DERA: variants seen among roughly 807,000 people sequenced by gnomAD.
DERA encodes the protein 2-deoxy-D-ribose 5-phosphate aldolase.
In DERA, 15 loss-of-function variants were observed where a neutral mutation model predicts 41.1. The observed-to-expected ratio is 0.37, with a 90% CI of 0.24 to 0.56. The LOEUF (loss-of-function observed/expected upper bound fraction) is 0.56. Ranked by LOEUF, DERA falls within the 20% of genes least tolerant of loss-of-function variation. The pLI, the probability that DERA is intolerant of heterozygous loss-of-function variation, is 0.81. For synonymous variants in DERA, 139 were observed against 137.4 expected, an observed-to-expected ratio of 1.01 and a Z score of -0.08; for missense variants, 396 against 403.4, an observed-to-expected ratio of 0.98 and a Z score of 0.16.
At chr12:15,917,040 G>A (rs1948205729) in intron 1 of DERA, among the ~76,000 whole-genome samples, 1 of 152,118 alleles carries the variant, frequency 6.6e-6, no homozygotes, top group Non-Finnish European at 1.5e-5. Flanking sequence ...CTGAAAAATA[G>A]AACTGGAATC....
At chr12:15,930,571 C>T (rs1288459730) in intron 1 of DERA, among the ~76,000 whole-genome samples, 2 of 152,126 alleles carry the variant, frequency 1.3e-5, no homozygotes, top group Non-Finnish European at 2.9e-5. Context: ...TACACTATTA[C>T]TTAAGAACAG....
chr12:15,961,393 G>A (rs184453376), intron 4 of DERA, among the ~76,000 whole-genome samples: 4 of 152,144 alleles, frequency 2.6e-5, no homozygotes, highest in Middle Eastern at 3.2e-3. Flanking sequence ...AGGGAGTCTA[G>A]GCCAGGCATG....
rs1414188402 is a variant in DERA at position 15,993,546 on chromosome 12, A to G, written c.637+11110A>G. Among the ~76,000 whole-genome samples the G allele has an allele frequency of 2.0e-5, 3 of 151,954 alleles. No individual in the cohort carries two copies. The highest frequency in any genetic ancestry group is 7.3e-5 in the African/African-American group (3 of 41,378). On this transcript the variant is annotated intron_variant, in intron 6 of 8. Transcript: ENST00000428559. The surrounding 1 kb of genome is among the most constrained non-coding windows in gnomAD (Gnocchi z 4.4). ...TAGGAAAAAGCATTTAATTTATGAA[A>G]AGGTATGCTACAACTGAAACTTCAT...
intron 5 of DERA, among the ~76,000 whole-genome samples, chr12:15,977,617 G>C (rs772093995): frequency 3.9e-5 from 6 of 152,176 alleles, no homozygotes; most frequent in Non-Finnish European, 7.3e-5. Context: ...ACCATGCCTG[G>C]TTAATTTTTT....
In DERA at chr12:15,989,935, C is replaced by T. The variant is rs1037176310; in HGVS notation, c.637+7499C>T. On this transcript the variant is annotated intron_variant, in intron 6 of 8. Transcript: ENST00000428559. The surrounding 1 kb of genome is among the most constrained non-coding windows in gnomAD (Gnocchi z 5.2). ...TTTCAAAATGTTTTAGAGCAAGGAA[C>T]ACAGTCAGAAGACCAGAACTCTTGT... Among the ~76,000 whole-genome samples, 10 of 152,126 alleles carry T rather than the reference C, an allele frequency of 6.6e-5. No homozygotes were observed. Among genetic ancestry groups the T allele is most frequent in the Non-Finnish European group, 1.5e-4 (10 of 67,998 alleles).
At chr12:16,031,558 T>G (rs1473374234) in intron 6 of DERA, among the ~76,000 whole-genome samples, 2 of 152,206 alleles carry the variant, frequency 1.3e-5, no homozygotes, top group Non-Finnish European at 1.5e-5. Context: ...CCTCTGGTAG[T>G]GCCCGTGCTG....
In DERA at chr12:15,983,903, C is replaced by A. The variant is rs141412622; in HGVS notation, c.637+1467C>A. Among the ~76,000 whole-genome samples the A allele has an allele frequency of 7.9e-5, 12 of 152,268 alleles. No homozygotes were observed. Among genetic ancestry groups the A allele is most frequent in the South Asian group, 2.1e-4 (1 of 4,824 alleles). ...CCTAAGGATGAGAAGGGATGGAACA[C>A]TTTGAACAGTTGTTCATCAGTGATG... On this transcript the variant is annotated intron_variant, in intron 6 of 8. Transcript: ENST00000428559. This position sits in a 1 kb window ranked among gnomAD's most constrained non-coding sequence, Gnocchi z 6.2.
Position 15,943,717 on chromosome 12 carries a change from ATTT to A in DERA, c.32-13218_32-13216del, listed in dbSNP as rs1258840463. On this transcript the variant is annotated intron_variant, in intron 1 of 8. Coordinates refer to ENST00000428559, the MANE Select transcript of DERA (RefSeq NM_015954.4). The surrounding 1 kb of genome is among the most constrained non-coding windows in gnomAD (Gnocchi z 4.5). ...TTTATTTTTTAATTTTTATTTATTT[ATTT>A]ATTTATTTATTTATTTATTTTATTA... Among the ~76,000 whole-genome samples, 2 of 147,290 alleles carry A rather than the reference ATTT, an allele frequency of 1.4e-5. No individual in the cohort carries two copies. The highest frequency in any genetic ancestry group is 3.0e-5 in the Non-Finnish European group (2 of 66,936).
chr12:16,003,538 CTG>C lies in DERA; in HGVS notation c.637+21105_637+21106del, dbSNP rs143270905. Among the ~76,000 whole-genome samples the C allele has an allele frequency of 3.0e-3, 450 of 152,172 alleles. 7 individuals carry two copies. The East Asian group carries it at 0.049, about 17-fold the overall frequency. The stretch of plus-strand genomic sequence containing the variant: ...GTGTTCGTTTTAGGTAAGAGAGAAA[CTG>C]TGAGGGGTTAGGGTTTGGGTTAGAG... On this transcript the variant is annotated intron_variant, in intron 6 of 8. Transcript: ENST00000428559. This position sits in a 1 kb window ranked among gnomAD's most constrained non-coding sequence, Gnocchi z 4.8.
chr12:16,025,643 T>G (rs1368343143), intron 6 of DERA, among the ~76,000 whole-genome samples: 2 of 152,100 alleles, frequency 1.3e-5, no homozygotes, highest in African/African-American at 4.8e-5. Context: ...CACTGATGGC[T>G]GAAGCAGGCA....
rs748641861 is a variant in DERA at position 15,982,132 on chromosome 12, C to T, written c.509-176C>T. ...GTAGCAAACTAAGCATTCCTTGTAACAGGATGTGAACTGCAACAGAATGCT... is the reference window on the plus strand; with the variant it reads ...GTAGCAAACTAAGCATTCCTTGTAATAGGATGTGAACTGCAACAGAATGCT... On this transcript the variant is annotated intron_variant, in intron 5 of 8. Transcript: ENST00000428559. This position sits in a 1 kb window ranked among gnomAD's most constrained non-coding sequence, Gnocchi z 4.0. 6.6e-6 allele frequency among the ~76,000 whole-genome samples: 1 copy of T among 152,172 alleles called. No homozygotes were observed. The highest frequency in any genetic ancestry group is 1.5e-5 in the Non-Finnish European group (1 of 68,040).
At chr12:15,974,364 A>C (rs191329598) in intron 5 of DERA, among the ~76,000 whole-genome samples, 1 of 152,224 alleles carries the variant, frequency 6.6e-6, no homozygotes, top group Admixed American at 6.5e-5. Flanking sequence ...TAACCTAAGA[A>C]TACTAAGAAC....
intron 1 of DERA, among the ~76,000 whole-genome samples, chr12:15,932,509 GTGTGGTGGTGCATGCC>G (rs1789174841): frequency 6.6e-6 from 1 of 152,028 alleles, no homozygotes; most frequent in South Asian, 2.1e-4. Context: ...AATTAGCTGG[GTGTGGTGGTGCATGCC>G]TGTAGTCCCA....
chr12:16,001,243 T>C lies in DERA; in HGVS notation c.637+18807T>C, dbSNP rs1280184674. On this transcript the variant is annotated intron_variant, in intron 6 of 8. Transcript: ENST00000428559. The surrounding 1 kb of genome is among the most constrained non-coding windows in gnomAD (Gnocchi z 4.1). ...GTAACAAACCTGCACATTCTGCACA[T>C]GTTTATCCTATTTTTTTGTTTGTTT... Among the ~76,000 whole-genome samples the C allele has an allele frequency of 1.3e-5, 2 of 152,138 alleles. No individual in the cohort carries two copies. The highest frequency in any genetic ancestry group is 6.5e-5 in the Admixed American group (1 of 15,290).
chr12:16,003,993 G>A lies in DERA; in HGVS notation c.637+21557G>A, dbSNP rs1448321803. 6.6e-6 allele frequency among the ~76,000 whole-genome samples: 1 copy of A among 152,104 alleles called. No individual in the cohort carries two copies. The highest frequency in any genetic ancestry group is 1.5e-5 in the Non-Finnish European group (1 of 68,030). On this transcript the variant is annotated intron_variant, in intron 6 of 8. Coordinates refer to ENST00000428559, the MANE Select transcript of DERA (RefSeq NM_015954.4). The surrounding 1 kb of genome is among the most constrained non-coding windows in gnomAD (Gnocchi z 4.8). ...CAGAATGCTTAGAAGGGGTTGGTAGGGCTATTCATTAAGTGCAGTAAGAGT... is the reference window on the plus strand; with the variant it reads ...CAGAATGCTTAGAAGGGGTTGGTAGAGCTATTCATTAAGTGCAGTAAGAGT...
At position 15,972,551 on chromosome 12, in the gene DERA, A is replaced by T. The variant is rs753761668; in HGVS notation, c.508+9604A>T. On this transcript the variant is annotated intron_variant, in intron 5 of 8. Transcript: ENST00000428559. This position sits in a 1 kb window ranked among gnomAD's most constrained non-coding sequence, Gnocchi z 4.4. ...GAAGCTGACTTCCCGCAGACAGCGC[A>T]TGATGTACTCTAGGGAAATTTTCTC... is the stretch of plus-strand genomic sequence containing the variant. 6.2e-6 allele frequency: 1 copy of T among 161,854 alleles called. No individual in the cohort carries two copies. Among genetic ancestry groups the T allele is most frequent in the Non-Finnish European group, 1.4e-5 (1 of 72,672 alleles). The allele number at this position is 161,854 out of a possible 1,614,324, so 10.0% of individuals were successfully genotyped here.
At position 16,013,109 on chromosome 12, in the gene DERA, C is replaced by T. The variant is rs1948957502; in HGVS notation, c.638-19433C>T. 6.6e-6 allele frequency among the ~76,000 whole-genome samples: 1 copy of T among 152,122 alleles called. No homozygotes were observed. Among genetic ancestry groups the T allele is most frequent in the African/African-American group, 2.4e-5 (1 of 41,428 alleles). ...GAGCTGGTCCTAAAAGGTCCTTTAACCAGAATTCTCTCTTTGGCCAGTGTG... is the reference window on the plus strand; with the variant it reads ...GAGCTGGTCCTAAAAGGTCCTTTAATCAGAATTCTCTCTTTGGCCAGTGTG... On this transcript the variant is annotated intron_variant, in intron 6 of 8. Coordinates refer to ENST00000428559, the MANE Select transcript of DERA (RefSeq NM_015954.4). The surrounding 1 kb of genome is among the most constrained non-coding windows in gnomAD (Gnocchi z 5.8).
In DERA at chr12:15,956,860, C is replaced by T. The variant is rs181829006; in HGVS notation, c.32-76C>T. The T allele has an allele frequency of 1.2e-4, 121 of 1,040,316 alleles. 1 individual carries two copies. The East Asian group carries it at 2.7e-3, about 23-fold the overall frequency. 64.4% of individuals were successfully genotyped at this position (1,040,316 alleles called of 1,614,324 possible). ...ATGTCAAATGATAAATGTATCCTTT[C>T]AAGGACCATGTAAAAATAGGTGACT... is the stretch of plus-strand genomic sequence containing the variant. On this transcript the variant is annotated intron_variant, in intron 1 of 8. Coordinates refer to ENST00000428559, the MANE Select transcript of DERA (RefSeq NM_015954.4).
At chr12:16,022,847 T>G (rs1188911039) in intron 6 of DERA, among the ~76,000 whole-genome samples, 3 of 152,150 alleles carry the variant, frequency 2.0e-5, no homozygotes, top group African/African-American at 7.2e-5. Context: ...CACTCTTTTT[T>G]GGGTTTTACC....
Sources: gnomAD v4.1 joint callset for allele counts (sites outside exome capture counted in the v4.1 genomes callset) on GRCh38, gnomAD v4.1.1 for gene constraint, Gnocchi (gnomAD v3.1) non-coding constraint, MANE v1.5 for transcripts, NCBI Gene and HGNC (gene_info 2026-07-23, HGNC 2026-07-21) for gene names.